PTPRD: variants seen among roughly 807,000 people sequenced by gnomAD.
PTPRD encodes receptor-type tyrosine-protein phosphatase delta.
Under a neutral mutation model 214.5 loss-of-function variants are expected in PTPRD, and 34 were observed. That is an observed-to-expected ratio of 0.16 (90% CI 0.12 to 0.21). The LOEUF (loss-of-function observed/expected upper bound fraction) is 0.21, where lower values mean the gene tolerates loss of function less well. PTPRD is among the 10% of genes least tolerant of loss of function. The pLI, the probability that PTPRD is intolerant of heterozygous loss-of-function variation, is 1.00. For missense variants in PTPRD, 2,545 were observed against 2,398.7 expected (o/e 1.06, Z -1.27); for synonymous variants, 1,128 against 845.7 (o/e 1.33, Z -5.79).
At chr9:10,518,503 C>A (rs2050875417) in intron 2 of PTPRD, among the ~76,000 whole-genome samples, 1 of 151,598 alleles carries the variant, frequency 6.6e-6, no homozygotes, top group Non-Finnish European at 1.5e-5. Flanking sequence ...ACAGCTTGGT[C>A]AAGGTTAAAA....
intron 9 of PTPRD, among the ~76,000 whole-genome samples, chr9:9,195,666 C>T (rs2099938129): frequency 6.7e-6 from 1 of 149,466 alleles, no homozygotes; most frequent in Non-Finnish European, 1.5e-5. Context: ...GGTATTGTTG[C>T]TTTCAGCTAG....
At chr9:9,123,151 C>T (rs1171333447) in intron 10 of PTPRD, among the ~76,000 whole-genome samples, 1 of 152,158 alleles carries the variant, frequency 6.6e-6, no homozygotes, top group Non-Finnish European at 1.5e-5. Flanking sequence ...ATTTGATGAA[C>T]ACTGAAACAC....
At chr9:8,822,118 T>G (rs992321242) in intron 11 of PTPRD, among the ~76,000 whole-genome samples, 8 of 152,262 alleles carry the variant, frequency 5.3e-5, no homozygotes, top group African/African-American at 1.7e-4. Context: ...TTTTGCTTAG[T>G]AAGCATTTTT....
chr9:8,663,029 G>C (rs1380881256), intron 12 of PTPRD, among the ~76,000 whole-genome samples: 7 of 151,958 alleles, frequency 4.6e-5, no homozygotes, highest in Non-Finnish European at 1.0e-4. Flanking sequence ...AAACTTCTCA[G>C]AATAATTAGT....
chr9:10,154,488 T>C (rs1318803325), intron 3 of PTPRD, among the ~76,000 whole-genome samples: 1 of 152,216 alleles, frequency 6.6e-6, no homozygotes, highest in Non-Finnish European at 1.5e-5. Flanking sequence ...TTGTCAATTT[T>C]TGCATTGGTT....
chr9:9,422,081 A>G (rs1298488592), intron 8 of PTPRD, among the ~76,000 whole-genome samples: 1 of 152,156 alleles, frequency 6.6e-6, no homozygotes, highest in Non-Finnish European at 1.5e-5. Context: ...ATTTGAGAAT[A>G]TCTGTAAACA....
intron 11 of PTPRD, among the ~76,000 whole-genome samples, chr9:8,850,431 G>T (rs982260153): frequency 1.3e-5 from 2 of 152,060 alleles, no homozygotes; most frequent in African/African-American, 4.8e-5. Context: ...TGTTGATGAA[G>T]AAAGTGAATG....
chr9:9,986,494 G>A (rs1040352610), intron 4 of PTPRD, among the ~76,000 whole-genome samples: 3 of 152,064 alleles, frequency 2.0e-5, no homozygotes, highest in Admixed American at 1.3e-4. Context: ...TAAGTAAAAT[G>A]TATGCATGTG....
chr9:9,929,580 G>A (rs1437351567), intron 5 of PTPRD, among the ~76,000 whole-genome samples: 2 of 152,098 alleles, frequency 1.3e-5, no homozygotes, highest in East Asian at 3.9e-4. Context: ...TTTTAGTAGA[G>A]ACAGGGTTTC....
At chr9:8,468,288 C>A (rs2096583355) in intron 31 of PTPRD, among the ~76,000 whole-genome samples, 1 of 151,910 alleles carries the variant, frequency 6.6e-6, no homozygotes, top group Admixed American at 6.6e-5. Flanking sequence ...CAAAGTCAGC[C>A]AGCATGTTGC....
At position 8,382,582 on chromosome 9, in the gene PTPRD, T is replaced by C. The variant is rs865923728; in HGVS notation, c.4387-5856A>G. The stretch of plus-strand genomic sequence containing the variant: ...AGAAAGCTAACAAACAGCAAGAAAT[T>C]GGTGGGATTCTTTCTCTTTTATCTG... On this transcript the variant is annotated intron_variant, in intron 37 of 45. Transcript: ENST00000381196. Among the ~76,000 whole-genome samples the C allele has an allele frequency of 2.6e-5, 4 of 152,114 alleles. No homozygotes were observed. The South Asian group carries it at 8.3e-4, about 32-fold the overall frequency.
At chr9:8,524,680 G>A (rs563144409) in intron 18 of PTPRD, 2 of 586,388 alleles carry the variant, frequency 3.4e-6, no homozygotes, top group Non-Finnish European at 6.1e-6. Flanking sequence ...TAGAAACCAA[G>A]ATGTAAAAAT....
intron 3 of PTPRD, among the ~76,000 whole-genome samples, chr9:10,165,655 A>C (rs1437741196): frequency 1.3e-5 from 2 of 151,866 alleles, no homozygotes; most frequent in Middle Eastern, 3.5e-3. Context: ...TGAGCATTGC[A>C]ATAATAAGAC....
chr9:8,473,070 T>C (rs1240957213), intron 30 of PTPRD, among the ~76,000 whole-genome samples: 1 of 152,162 alleles, frequency 6.6e-6, no homozygotes, highest in Non-Finnish European at 1.5e-5. Context: ...ATCTGAACTA[T>C]CTTATTCAGT....
intron 10 of PTPRD, among the ~76,000 whole-genome samples, chr9:9,074,669 A>G (rs1247967234): frequency 6.6e-6 from 1 of 151,954 alleles, no homozygotes; most frequent in Non-Finnish European, 1.5e-5. Flanking sequence ...TTCTTTTGAG[A>G]AATGTCTATT....
chr9:8,710,696 GTTT>G (rs1291895639), intron 12 of PTPRD, among the ~76,000 whole-genome samples: 4 of 152,034 alleles, frequency 2.6e-5, no homozygotes, highest in African/African-American at 9.7e-5. Flanking sequence ...TTATAAATGA[GTTT>G]TTATGTCAGA....
intron 11 of PTPRD, among the ~76,000 whole-genome samples, chr9:8,808,617 G>T (rs982025975): frequency 6.6e-6 from 1 of 151,762 alleles, no homozygotes; most frequent in Non-Finnish European, 1.5e-5. Context: ...TTTAGTAATG[G>T]AAGTAAAGCA....
intron 3 of PTPRD, among the ~76,000 whole-genome samples, chr9:10,051,514 T>C (rs1246634444): frequency 1.3e-5 from 2 of 152,112 alleles, no homozygotes; most frequent in African/African-American, 4.8e-5. Flanking sequence ...GTTTGTTACA[T>C]ATGTATACGT....
chr9:10,441,409 A>G (rs2098757535), intron 2 of PTPRD, among the ~76,000 whole-genome samples: 1 of 151,612 alleles, frequency 6.6e-6, no homozygotes, highest in African/African-American at 2.4e-5. Flanking sequence ...AGGTTCTTTC[A>G]TGTTGCTTTA....
Sources: gnomAD v4.1 joint callset for allele counts (sites outside exome capture counted in the v4.1 genomes callset) on GRCh38, gnomAD v4.1.1 for gene constraint, MANE v1.5 for transcripts, NCBI Gene and HGNC (gene_info 2026-07-23, HGNC 2026-07-21) for gene names.